Variants in MAN2B2 observed in about 807,000 individuals in gnomAD.
MAN2B2 encodes the protein epididymis-specific alpha-mannosidase.
MAN2B2 carries 106 observed loss-of-function variants against 117.1 expected under a neutral mutation model. That is an observed-to-expected ratio of 0.90 (90% CI 0.77 to 1.06). The LOEUF (loss-of-function observed/expected upper bound fraction) is 1.06. Ranked by LOEUF, MAN2B2 falls within the 50% of genes least tolerant of loss-of-function variation. The pLI is 0.00. For synonymous variants in MAN2B2, 544 were observed against 595.1 expected (o/e 0.91, Z 1.25); for missense variants, 1,326 against 1,381.4 (o/e 0.96, Z 0.64).
chr4:6,620,647 C>T (rs1002999085), intron 18 of MAN2B2: 13 of 157,550 alleles, frequency 8.3e-5, no homozygotes, highest in Non-Finnish European at 1.4e-4. Context: ...GCATGGTGCA[C>T]GCTCAGTTGG....
At position 6,609,924 on chromosome 4, in the gene MAN2B2, G is replaced by A. The variant is rs1219474098; in HGVS notation, c.2133G>A (p.Leu711=). 3 of 1,614,026 alleles carry A rather than the reference G, an allele frequency of 1.9e-6. No individual in the cohort carries two copies. The African/African-American group carries it at 4.0e-5, about 22-fold the overall frequency. ...AGTACCAAGCCGGCCCCCTGGAGCT[G>A]AACCGTGAGGCTGTCCTGAGGACCA... ...EQEYQAGPLE[L]NREAVLRTST... The change falls in exon 13 of 19, where the codon CTG becomes CTA. Residue 711 remains leucine (L), a synonymous_variant. Coordinates refer to ENST00000285599, the MANE Select transcript of MAN2B2 (RefSeq NM_015274.3).
intron 8 of MAN2B2, 106 bp downstream of exon 8, chr4:6,597,409 C>T (rs1286249579): frequency 1.6e-6 from 2 of 1,229,262 alleles, no homozygotes; most frequent in African/African-American, 1.6e-5. Flanking sequence ...CTAGAGGCCC[C>T]ACTTTACAGA....
intron 3 of MAN2B2, among the ~76,000 whole-genome samples, chr4:6,584,282 G>A (rs1174349273): frequency 5.9e-5 from 9 of 152,202 alleles, no homozygotes; most frequent in Admixed American, 5.9e-4. Flanking sequence ...TGGTTCTGCA[G>A]TACCTTGATA....
At chr4:6,617,842 G>T in intron 17 of MAN2B2, 1 of 176,248 alleles carries the variant, frequency 5.7e-6, no homozygotes. Context: ...CACCACGATG[G>T]CTAAGTTTTT....
rs760726016 is a variant in MAN2B2 at position 6,611,172 on chromosome 4, A to G, written c.2457A>G (p.Pro819=). 6.2e-6 allele frequency: 10 copies of G among 1,613,952 alleles called. No individual in the cohort carries two copies. Among genetic ancestry groups the G allele is most frequent in the Non-Finnish European group, 8.5e-6 (10 of 1,180,016 alleles). The change falls in exon 15 of 19, where the codon CCA becomes CCG. Residue 819 remains proline, a synonymous_variant. Transcript: ENST00000285599. ...LTLNDTSVVH[P]VLWLLLGSWS... ...TGAACGACACCTCAGTCGTCCACCC[A>G]GTGCTCTGGCTTCTGCTGGGATCCT...
Position 6,600,738 on chromosome 4 carries a change from C to T in MAN2B2, c.1521C>T (p.Gly507=). The change falls in exon 10 of 19, where the codon GGC becomes GGT. Residue 507 remains glycine, a synonymous_variant. Transcript: ENST00000285599. ...GAGTCCGCGTCACAGATGAGGCGGG[C>T]CACCCAGTGCCCTCGCAGGTATGGA... is the stretch of plus-strand genomic sequence containing the variant. The part of the protein sequence containing the change: ...FPGVRVTDEA[G]HPVPSQIQNS... 6.2e-7 allele frequency: 1 copy of T among 1,613,632 alleles called. No individual in the cohort carries two copies. Among genetic ancestry groups the T allele is most frequent in the Non-Finnish European group, 8.5e-7 (1 of 1,180,030 alleles).
At chr4:6,608,271 TCTC>T (rs1391280248) in intron 11 of MAN2B2, among the ~76,000 whole-genome samples, 3 of 152,074 alleles carry the variant, frequency 2.0e-5, no homozygotes, top group African/African-American at 7.2e-5. Flanking sequence ...TTCTTTTCTT[TCTC>T]CTCCTCCACC....
intron 10 of MAN2B2, 79 bp from the exon 11 acceptor site, chr4:6,604,976 C>T: frequency 7.4e-6 from 11 of 1,478,366 alleles, no homozygotes; most frequent in Non-Finnish European, 1.0e-5. Flanking sequence ...GACACTGCTG[C>T]CTCAGCAAGT....
At chr4:6,585,801 A>G (rs907306956) in intron 3 of MAN2B2, among the ~76,000 whole-genome samples, 1 of 152,122 alleles carries the variant, frequency 6.6e-6, no homozygotes, top group Admixed American at 6.5e-5. Context: ...CGGCTGTGAG[A>G]GGAAGCCTCA....
At chr4:6,602,752 C>T (rs1727380868) in intron 10 of MAN2B2, among the ~76,000 whole-genome samples, 1 of 151,992 alleles carries the variant, frequency 6.6e-6, no homozygotes, top group Admixed American at 6.6e-5. Context: ...TCACTGCAGC[C>T]TCAACATCCC....
chr4:6,611,312 C>G (rs571054371), intron 15 of MAN2B2, 34 bp downstream of exon 15: 14 of 1,561,970 alleles, frequency 9.0e-6, no homozygotes, highest in Non-Finnish European at 1.2e-5. Context: ...AACATCATCA[C>G]TGCCTCAGCA....
Position 6,578,612 on chromosome 4 carries a change from G to A in MAN2B2, c.391+114G>A, listed in dbSNP as rs375207633. 1.8e-4 allele frequency: 142 copies of A among 798,388 alleles called. 1 individual carries two copies. In the South Asian group the frequency reaches 2.3e-3, roughly 13 times the overall value. 49.5% of individuals were successfully genotyped at this position (798,388 alleles called of 1,614,324 possible). ...GTCTGCCCCTCTTAGTGGGGTCGGGGACCTTAACCAGTGAAAGCAGTGATT... is the reference window on the plus strand; with the variant it reads ...GTCTGCCCCTCTTAGTGGGGTCGGGAACCTTAACCAGTGAAAGCAGTGATT... On this transcript the variant is annotated intron_variant, in intron 3 of 18. Coordinates refer to ENST00000285599, the MANE Select transcript of MAN2B2 (RefSeq NM_015274.3).
Position 6,621,247 on chromosome 4 carries a change from G to A in MAN2B2, c.2992G>A (p.Glu998Lys), listed in dbSNP as rs761215324. ...GGPIITVHPK[E>K]IRTFFIHFQQ... The stretch of plus-strand genomic sequence containing the variant: ...CCCCATCATCACCGTCCACCCAAAG[G>A]AAATCCGGACGTTCTTTATTCACTT... Residue 998 changes from glutamate (E) to lysine (K), a missense_variant, in exon 19 of 19, where the codon GAA (glutamate) becomes AAA (lysine). Coordinates refer to ENST00000285599, the MANE Select transcript of MAN2B2 (RefSeq NM_015274.3). 6.2e-6 allele frequency: 10 copies of A among 1,614,100 alleles called. No individual in the cohort carries two copies. The South Asian group carries it at 9.9e-5, about 16-fold the overall frequency.
At position 6,589,084 on chromosome 4, in the gene MAN2B2, G is replaced by C; in HGVS notation, c.604G>C (p.Glu202Gln). The C allele has an allele frequency of 6.2e-7, 1 of 1,614,196 alleles. No individual in the cohort carries two copies. Among genetic ancestry groups the C allele is most frequent in the Non-Finnish European group, 8.5e-7 (1 of 1,180,024 alleles). The change falls in exon 5 of 19, where the codon GAG (glutamate) becomes CAG (glutamine). Residue 202 changes from glutamate (E) to glutamine (Q), a missense_variant. By Grantham distance (29) the Glu-to-Gln change is conservative. Coordinates refer to ENST00000285599, the MANE Select transcript of MAN2B2 (RefSeq NM_015274.3). ...FVWRGSPSLS[E>Q]RQEIFTHIMD... Reference sequence around the variant, plus strand: ...GTGGCGAGGGTCCCCATCCCTCTCAGAGCGGCAGGAAATCTTCACGCACAT... The same window carrying C: ...GTGGCGAGGGTCCCCATCCCTCTCACAGCGGCAGGAAATCTTCACGCACAT...
chr4:6,611,057 C>T lies in MAN2B2; in HGVS notation c.2371-29C>T, dbSNP rs1334699873. On this transcript the variant is annotated intron_variant, in intron 14 of 18. Coordinates refer to ENST00000285599, the MANE Select transcript of MAN2B2 (RefSeq NM_015274.3). ...CCTACAGGCATGCCCAGGTGCAAGC[C>T]GGGCCTCTCGGACAATGCCTTCCCG... 1.1e-5 allele frequency: 17 copies of T among 1,611,606 alleles called. 1 individual carries two copies. The highest frequency in any genetic ancestry group is 5.3e-5 in the African/African-American group (4 of 74,890).
At chr4:6,586,548 G>A (rs954000053) in intron 3 of MAN2B2, among the ~76,000 whole-genome samples, 3 of 152,112 alleles carry the variant, frequency 2.0e-5, no homozygotes, top group Admixed American at 6.6e-5. Context: ...AGTGAAATAC[G>A]CCAGTCACAG....
At chr4:6,606,553 G>C (rs1727554105) in intron 11 of MAN2B2, among the ~76,000 whole-genome samples, 1 of 152,242 alleles carries the variant, frequency 6.6e-6, no homozygotes, top group African/African-American at 2.4e-5. Context: ...GCCTAAGCCA[G>C]GGTCCCACCC....
chr4:6,575,568 T>C (rs1479472153), intron 1 of MAN2B2, among the ~76,000 whole-genome samples: 1 of 152,182 alleles, frequency 6.6e-6, no homozygotes, highest in Non-Finnish European at 1.5e-5. Flanking sequence ...TGGTGCAGAT[T>C]GGAGGGACCC....
At chr4:6,617,176 C>T (rs985113572) in intron 16 of MAN2B2, among the ~76,000 whole-genome samples, 1 of 152,190 alleles carries the variant, frequency 6.6e-6, no homozygotes, top group Non-Finnish European at 1.5e-5. Context: ...GATTCAATTA[C>T]CTCCCACCAG....
Sources: gnomAD v4.1 joint callset for allele counts (sites outside exome capture counted in the v4.1 genomes callset) on GRCh38, gnomAD v4.1.1 for gene constraint, MANE v1.5 for transcripts, NCBI Gene and HGNC (gene_info 2026-07-23, HGNC 2026-07-21) for gene names.